GRIK3: variants seen among roughly 807,000 people sequenced by gnomAD.
GRIK3 encodes the protein glutamate ionotropic receptor kainate type subunit 3, also known as glutamate receptor ionotropic, kainate 3.
GRIK3 carries 29 observed loss-of-function variants against 102.5 expected under a neutral mutation model. That is an observed-to-expected ratio of 0.28 (90% CI 0.21 to 0.39). The LOEUF (loss-of-function observed/expected upper bound fraction) is 0.39, where lower values mean the gene tolerates loss of function less well. GRIK3 is among the 10% of genes least tolerant of loss of function. GRIK3 has a pLI of 1.00. For synonymous variants in GRIK3, 511 were observed against 504.9 expected (o/e 1.01, Z -0.16); for missense variants, 908 against 1,252.4 (o/e 0.73, Z 4.15).
intron 2 of GRIK3, among the ~76,000 whole-genome samples, chr1:36,886,933 C>T (rs544901765): frequency 1.3e-5 from 2 of 152,280 alleles, no homozygotes; most frequent in South Asian, 2.1e-4. Context: ...AAAGTTTATT[C>T]TTTTTTTAAT....
chr1:36,996,859 CG>C (rs1642425874), intron 1 of GRIK3, among the ~76,000 whole-genome samples: 1 of 152,206 alleles, frequency 6.6e-6, no homozygotes, highest in Non-Finnish European at 1.5e-5. Flanking sequence ...GGCTCTCAAT[CG>C]GGGATGATTC....
chr1:36,850,292 A>G lies in GRIK3; in HGVS notation c.1326+19T>C. On this transcript the variant is annotated intron_variant, in intron 9 of 15. Transcript: ENST00000373091. The surrounding 1 kb of genome is among the most constrained non-coding windows in gnomAD (Gnocchi z 4.0). ...CCCCAGGTCGGACAGTCCTTCCTGCAGGGGCTGCAGGCTCTTACCAGCACT... is the reference window on the plus strand; with the variant it reads ...CCCCAGGTCGGACAGTCCTTCCTGCGGGGGCTGCAGGCTCTTACCAGCACT... 6.7e-7 allele frequency: 1 copy of G among 1,497,666 alleles called. No homozygotes were observed. The highest frequency in any genetic ancestry group is 1.4e-5 in the African/African-American group (1 of 72,790). 92.8% of individuals were successfully genotyped at this position (1,497,666 alleles called of 1,614,324 possible).
rs1382602034 is a variant in GRIK3 at position 36,795,701 on chromosome 1, A to C, written c.*6150T>G. The C allele has an allele frequency of 6.6e-6, 1 of 152,240 alleles. No individual in the cohort carries two copies. Among genetic ancestry groups the C allele is most frequent in the Non-Finnish European group, 1.5e-5 (1 of 68,042 alleles). 9.4% of individuals were successfully genotyped at this position (152,240 alleles called of 1,614,324 possible). On this transcript the variant is annotated 3_prime_UTR_variant, in exon 16 of 16. Transcript: ENST00000373091. ...AGTAACACAGTTACTATGAAACCCA[A>C]ATTGTTACAAAATGTTTACAAAAAA... is the stretch of plus-strand genomic sequence containing the variant.
chr1:36,952,919 G>A (rs961840773), intron 1 of GRIK3, among the ~76,000 whole-genome samples: 4 of 152,176 alleles, frequency 2.6e-5, no homozygotes, highest in Non-Finnish European at 5.9e-5. Flanking sequence ...CCAGGTAGAG[G>A]GAACAGCACG....
At chr1:36,969,855 C>T (rs564345072) in intron 1 of GRIK3, among the ~76,000 whole-genome samples, 2 of 152,284 alleles carry the variant, frequency 1.3e-5, no homozygotes, top group Middle Eastern at 3.4e-3. Context: ...CATGAGGATG[C>T]GAATGGACAG....
intron 1 of GRIK3, among the ~76,000 whole-genome samples, chr1:36,934,715 C>G (rs1641634818): frequency 1.3e-5 from 2 of 152,212 alleles, no homozygotes; most frequent in South Asian, 4.1e-4. Flanking sequence ...CACACACCTG[C>G]CAGACACAAT....
chr1:36,881,307 G>A (rs910935978), intron 2 of GRIK3, among the ~76,000 whole-genome samples: 4 of 152,054 alleles, frequency 2.6e-5, no homozygotes, highest in Admixed American at 1.3e-4. Context: ...CTCTAGCCCG[G>A]CCTGTTCCCT....
At chr1:37,001,212 GCTT>G (rs2124031756) in intron 1 of GRIK3, among the ~76,000 whole-genome samples, 1 of 152,290 alleles carries the variant, frequency 6.6e-6, no homozygotes, top group South Asian at 2.1e-4. Flanking sequence ...TGAGCCAATG[GCTT>G]CTTTTCATTG....
chr1:36,825,025 C>T (rs1432180627), intron 11 of GRIK3, among the ~76,000 whole-genome samples: 1 of 152,114 alleles, frequency 6.6e-6, no homozygotes, highest in East Asian at 1.9e-4. Context: ...ATAGTGACCT[C>T]CTCCTACCAC....
chr1:36,849,999 A>G (rs1392203063), intron 9 of GRIK3: 1 of 283,548 alleles, frequency 3.5e-6, no homozygotes, highest in African/African-American at 2.2e-5. Flanking sequence ...GGAGAGGCGA[A>G]TCCTCACTCA....
chr1:36,955,365 C>T (rs553710800), intron 1 of GRIK3, among the ~76,000 whole-genome samples: 5 of 152,334 alleles, frequency 3.3e-5, no homozygotes, highest in East Asian at 3.9e-4. Context: ...CACCGAGCAG[C>T]GCACACGTGC....
intron 10 of GRIK3, among the ~76,000 whole-genome samples, chr1:36,827,003 C>T (rs1642762810): frequency 6.6e-6 from 1 of 152,186 alleles, no homozygotes; most frequent in African/African-American, 2.4e-5. Context: ...ACATTCCACA[C>T]TGTTTAGGAT....
chr1:36,864,083 T>C (rs932983538), intron 5 of GRIK3, among the ~76,000 whole-genome samples: 1 of 152,184 alleles, frequency 6.6e-6, no homozygotes, highest in Admixed American at 6.5e-5. Context: ...TTAGTTGTCA[T>C]TGTTTATCTA....
chr1:36,837,666 C>T lies in GRIK3; in HGVS notation c.1530+4070G>A, dbSNP rs554167205. On this transcript the variant is annotated intron_variant, in intron 10 of 15. Transcript: ENST00000373091. ...CCCTCGGGATTAAAGTCCAGTTCCT[C>T]GGTTCAGCACCCGAGACTCTTCAAT... is the stretch of plus-strand genomic sequence containing the variant. Among the ~76,000 whole-genome samples, 4 of 152,226 alleles carry T rather than the reference C, an allele frequency of 2.6e-5. No individual in the cohort carries two copies. In the East Asian group the frequency reaches 7.8e-4, roughly 30 times the overall value.
intron 2 of GRIK3, among the ~76,000 whole-genome samples, chr1:36,887,169 C>A (rs559630240): frequency 6.6e-6 from 1 of 152,130 alleles, no homozygotes; most frequent in Non-Finnish European, 1.5e-5. Context: ...CTGCCTCCCA[C>A]CATACACAGA....
At chr1:36,804,135 A>G (rs77119413) in intron 15 of GRIK3, among the ~76,000 whole-genome samples, 1,583 of 152,304 alleles carry the variant, frequency 0.01, 30 homozygotes, top group African/African-American at 0.036. Flanking sequence ...TTGTTGACTA[A>G]GGCTTGCTGG....
At chr1:36,804,383 G>T (rs1361958801) in intron 15 of GRIK3, among the ~76,000 whole-genome samples, 1 of 152,126 alleles carries the variant, frequency 6.6e-6, no homozygotes. Context: ...TGAGTCCAGG[G>T]CATTAGCACT....
At chr1:37,033,339 C>T (rs966235153) in intron 1 of GRIK3, among the ~76,000 whole-genome samples, 1 of 152,172 alleles carries the variant, frequency 6.6e-6, no homozygotes, top group Non-Finnish European at 1.5e-5. Flanking sequence ...ATCGTCCCTT[C>T]CCTCTACCTG....
intron 1 of GRIK3, among the ~76,000 whole-genome samples, chr1:36,895,468 A>G (rs1212144412): frequency 6.6e-6 from 1 of 152,176 alleles, no homozygotes; most frequent in African/African-American, 2.4e-5. Context: ...AAAAAGCAAA[A>G]CAAAACGAAA....
Sources: allele counts gnomAD v4.1 joint callset (sites outside exome capture counted in the v4.1 genomes callset), GRCh38; gene constraint gnomAD v4.1.1; non-coding constraint Gnocchi (gnomAD v3.1); transcripts MANE v1.5; gene names NCBI Gene and HGNC (gene_info 2026-07-23, HGNC 2026-07-21).